SIGIRR: variants seen among roughly 807,000 people sequenced by gnomAD.
SIGIRR encodes the protein single Ig and TIR domain containing.
In SIGIRR, 41 loss-of-function variants were observed where a neutral mutation model predicts 45.6. The observed-to-expected ratio is 0.90, with a 90% CI of 0.70 to 1.17. The LOEUF is 1.17. SIGIRR is among the 50% of genes most tolerant of loss of function. SIGIRR has a pLI of 0.00. For missense variants in SIGIRR, 599 were observed against 539.6 expected (o/e 1.11, Z -1.09); for synonymous variants, 298 against 239.0 (o/e 1.25, Z -2.28).
Position 407,115 on chromosome 11 carries a change from G to GTA in SIGIRR, c.674_675insTA (p.Val226ThrfsTer9). 7 of 1,544,494 alleles carry GTA rather than the reference G, an allele frequency of 4.5e-6. No individual in the cohort carries two copies. Among genetic ancestry groups the GTA allele is most frequent in the Admixed American group, 1.9e-5 (1 of 52,952 alleles). ...TCAGGAAGGCGTCCGAAAGCACCACGATGAGGCGTCGGCAGCGGCTCAGGT... is the reference window on the plus strand; with the variant it reads ...TCAGGAAGGCGTCCGAAAGCACCACGTAATGAGGCGTCGGCAGCGGCTCAGGT... On this transcript the variant is annotated frameshift_variant, in exon 7 of 10. Transcript: ENST00000431843. LOFTEE classifies it high-confidence loss of function.
chr11:410,623 G>GGC (rs1554923903), intron 1 of SIGIRR, among the ~76,000 whole-genome samples: 1 of 59,788 alleles, frequency 1.7e-5, no homozygotes, highest in Non-Finnish European at 3.6e-5. Flanking sequence ...TGCAGTCGGG[G>GGC]GGGGGGGGTG....
intron 4 of SIGIRR, 45 bp downstream of exon 4, chr11:408,028 G>A (rs1208674429): frequency 1.2e-6 from 2 of 1,609,236 alleles, no homozygotes; most frequent in Non-Finnish European, 1.7e-6. Context: ...GGCCTCACTA[G>A]GTCTAGGTCC....
At chr11:415,503 C>G (rs1847858295), upstream of SIGIRR, among the ~76,000 whole-genome samples, 1 of 152,124 alleles carries the variant, frequency 6.6e-6, no homozygotes, top group Non-Finnish European at 1.5e-5. This position sits in a 1 kb window ranked among gnomAD's most constrained non-coding sequence, Gnocchi z 6.6. Context: ...GTTTGCTCCC[C>G]CATGTGTCTT....
In SIGIRR at chr11:408,792, C is replaced by G. The variant is rs1310975279; in HGVS notation, c.109G>C (p.Val37Leu). The G allele has an allele frequency of 6.2e-7, 1 of 1,612,780 alleles. No homozygotes were observed. The highest frequency in any genetic ancestry group is 8.5e-7 in the Non-Finnish European group (1 of 1,180,000). ...SVALNCTAWV[V>L]SGPHCSLPSV... The stretch of plus-strand genomic sequence containing the variant: ...GGCAGGGAGCAGTGGGGCCCAGAGA[C>G]TACCCAAGCCGTGCAGTTCAGAGCC... The change falls in exon 3 of 10, where the codon GTC (valine) becomes CTC (leucine). Residue 37 changes from valine to leucine, a missense_variant. Transcript: ENST00000431843.
At chr11:416,910 G>T (rs1847901808), upstream of SIGIRR, among the ~76,000 whole-genome samples, 1 of 152,148 alleles carries the variant, frequency 6.6e-6, no homozygotes, top group African/African-American at 2.4e-5. This position sits in a 1 kb window ranked among gnomAD's most constrained non-coding sequence, Gnocchi z 9.1. Context: ...CCGGCGCCGG[G>T]CGAGCTCGGG....
chr11:416,901 C>T (rs1847901206), upstream of SIGIRR, among the ~76,000 whole-genome samples: 5 of 152,132 alleles, frequency 3.3e-5, no homozygotes, highest in Non-Finnish European at 5.9e-5. The surrounding 1 kb of genome is among the most constrained non-coding windows in gnomAD (Gnocchi z 9.1). Context: ...AAGCTCCACC[C>T]GGCGCCGGGC....
chr11:414,995 CT>C lies in SIGIRR; in HGVS notation c.-327del. On this transcript the variant is annotated 5_prime_UTR_variant, in exon 1 of 10. Coordinates refer to ENST00000431843, the MANE Select transcript of SIGIRR (RefSeq NM_001135054.2). The stretch of plus-strand genomic sequence containing the variant: ...GTGTCTTTGTGTATTTTGATCAGAA[CT>C]TTCCCTGTAGCTTCCTGGCCTTGCA... 1 of 511,872 alleles carries C rather than the reference CT, an allele frequency of 2.0e-6. No individual in the cohort carries two copies. Among genetic ancestry groups the C allele is most frequent in the Non-Finnish European group, 2.5e-6 (1 of 397,232 alleles). The allele number at this position is 511,872 out of a possible 1,614,324, so 31.7% of individuals were successfully genotyped here. A position where few individuals can be genotyped will look rare whatever the true frequency, so the allele number is the denominator to read the frequency against.
rs542857266 is a variant in SIGIRR at position 406,337 on chromosome 11, G to A, written c.1069+12C>T. 3.7e-4 allele frequency: 594 copies of A among 1,611,498 alleles called. 13 individuals are homozygous for A. In the South Asian group the frequency reaches 6.3e-3, roughly 17 times the overall value. On this transcript the variant is annotated intron_variant, in intron 9 of 9. Coordinates refer to ENST00000431843, the MANE Select transcript of SIGIRR (RefSeq NM_001135054.2). ...GCTTCTCCAGTTGGGGAGTGGGGCT[G>A]GGCGGGCATACCCAGGTCGCCCTCA...
intron 5 of SIGIRR, 27 bp downstream of exon 5, chr11:407,790 C>G: frequency 6.2e-7 from 1 of 1,611,632 alleles, no homozygotes; most frequent in Non-Finnish European, 8.5e-7. Context: ...GGCGACCCCT[C>G]CTCGCGCCCA....
chr11:414,532 C>T (rs1338019291), intron 1 of SIGIRR, among the ~76,000 whole-genome samples: 2 of 152,064 alleles, frequency 1.3e-5, no homozygotes, highest in Non-Finnish European at 2.9e-5. Context: ...CCACACACAC[C>T]TCCCATTACC....
At position 407,962 on chromosome 11, in the gene SIGIRR, G is replaced by T; in HGVS notation, c.341-5C>A. ...CAGCCACGTGGCTTGTAGGGCCTGC[G>T]GATGGGTTGCCTGAGCCGCTGCCCC... On this transcript the variant is annotated splice_region_variant and splice_polypyrimidine_tract_variant and intron_variant, in intron 4 of 9. Coordinates refer to ENST00000431843, the MANE Select transcript of SIGIRR (RefSeq NM_001135054.2). 1 of 1,604,676 alleles carries T rather than the reference G, an allele frequency of 6.2e-7. No individual in the cohort carries two copies. The highest frequency in any genetic ancestry group is 8.5e-7 in the Non-Finnish European group (1 of 1,175,112).
upstream of SIGIRR, among the ~76,000 whole-genome samples, chr11:415,167 C>T (rs978011944): frequency 1.3e-5 from 2 of 151,988 alleles, no homozygotes; most frequent in African/African-American, 2.4e-5. The surrounding 1 kb of genome is among the most constrained non-coding windows in gnomAD (Gnocchi z 6.6). Context: ...CTCTGGAGCC[C>T]GCCCCAACCC....
chr11:406,579 C>T (rs925342778), intron 8 of SIGIRR, 41 bp from the exon 9 acceptor site: 3 of 1,563,104 alleles, frequency 1.9e-6, no homozygotes, highest in East Asian at 2.3e-5. Context: ...GTGAACACCT[C>T]GGAAGCCCCT....
At chr11:409,579 GC>G (rs1300789504) in intron 2 of SIGIRR, 2 of 413,664 alleles carry the variant, frequency 4.8e-6, no homozygotes, top group African/African-American at 4.1e-5. Flanking sequence ...GCTCACATCG[GC>G]CACACCCTGC....
intron 1 of SIGIRR, among the ~76,000 whole-genome samples, chr11:414,302 CCCCTGCACCCTCTCCCCTCCCCACCTTT>C (rs1847815544): frequency 7.6e-6 from 1 of 131,122 alleles, no homozygotes; most frequent in Non-Finnish European, 1.6e-5. Context: ...TGCCTACCTT[CCCCTGCACCCTCTCCCCTCCCCACCTTT>C]CCCTGCACCC....
At chr11:416,660 CT>C (rs941268842), upstream of SIGIRR, among the ~76,000 whole-genome samples, 3 of 152,158 alleles carry the variant, frequency 2.0e-5, no homozygotes, top group African/African-American at 7.2e-5. The surrounding 1 kb of genome is among the most constrained non-coding windows in gnomAD (Gnocchi z 9.1). Flanking sequence ...CGCGCCGCCC[CT>C]CCGCTCCCCG....
rs774435571 is a variant in SIGIRR, at chr11:407,979, C to A, written c.341-22G>T. ...GGGCCTGCGGATGGGTTGCCTGAGC[C>A]GCTGCCCCTCCAGCAGCCCCCAAGC... is the stretch of plus-strand genomic sequence containing the variant. On this transcript the variant is annotated intron_variant, in intron 4 of 9. Coordinates refer to ENST00000431843, the MANE Select transcript of SIGIRR (RefSeq NM_001135054.2). 4 of 1,601,194 alleles carry A rather than the reference C, an allele frequency of 2.5e-6. No individual in the cohort carries two copies. In the South Asian group the frequency reaches 4.5e-5, roughly 18 times the overall value.
intron 2 of SIGIRR, chr11:409,347 G>T: frequency 3.2e-6 from 1 of 312,124 alleles, no homozygotes; most frequent in Non-Finnish European, 6.3e-6. Context: ...TGGGGACCCA[G>T]ATGCCCAGTG....
intron 1 of SIGIRR, among the ~76,000 whole-genome samples, chr11:413,709 G>A (rs1847774977): frequency 9.3e-6 from 1 of 107,352 alleles, no homozygotes; most frequent in Non-Finnish European, 1.9e-5. Flanking sequence ...ACCCTCCCCT[G>A]CACCCTCTTC....
Sources: allele counts gnomAD v4.1 joint callset (sites outside exome capture counted in the v4.1 genomes callset), GRCh38; gene constraint gnomAD v4.1.1; non-coding constraint Gnocchi (gnomAD v3.1); transcripts MANE v1.5; gene names NCBI Gene and HGNC (gene_info 2026-07-23, HGNC 2026-07-21).